Variants in FSTL5 observed in about 807,000 individuals in gnomAD.
FSTL5 encodes the protein follistatin-related protein 5.
In FSTL5, 62 loss-of-function variants were observed where a neutral mutation model predicts 89.1. The observed-to-expected ratio is 0.70, with a 90% CI of 0.57 to 0.86. The LOEUF (loss-of-function observed/expected upper bound fraction) is 0.86. Ranked by LOEUF, FSTL5 falls within the 40% of genes least tolerant of loss-of-function variation. The probability of loss-of-function intolerance (pLI) is 0.00; values close to 1 mark genes in which losing one functional copy is unlikely to be tolerated. For missense variants in FSTL5, 1,057 were observed against 1,001.6 expected (o/e 1.06, Z -0.75); for synonymous variants, 383 against 346.2 (o/e 1.11, Z -1.18).
At chr4:161,687,140 T>C (rs1454780483) in intron 6 of FSTL5, among the ~76,000 whole-genome samples, 2 of 152,194 alleles carry the variant, frequency 1.3e-5, no homozygotes, top group African/African-American at 2.4e-5. Context: ...TACAATGATG[T>C]AACAACGGTT....
At chr4:161,446,453 T>C (rs1007776045) in intron 15 of FSTL5, among the ~76,000 whole-genome samples, 1 of 152,046 alleles carries the variant, frequency 6.6e-6, no homozygotes, top group Admixed American at 6.6e-5. Flanking sequence ...GTTTTATCAT[T>C]TTAATAACAG....
intron 6 of FSTL5, among the ~76,000 whole-genome samples, chr4:161,701,034 T>A (rs998517887): frequency 6.6e-6 from 1 of 152,214 alleles, no homozygotes; most frequent in Non-Finnish European, 1.5e-5. Flanking sequence ...ATTCTTTATA[T>A]CTGAAATTAA....
At chr4:161,490,631 A>G (rs964131533) in intron 12 of FSTL5, among the ~76,000 whole-genome samples, 3 of 152,096 alleles carry the variant, frequency 2.0e-5, no homozygotes, top group African/African-American at 7.2e-5. Context: ...AGTGCCTTAT[A>G]TGGAACAAAG....
chr4:161,994,699 T>C (rs1388428743), intron 3 of FSTL5, among the ~76,000 whole-genome samples: 2 of 152,234 alleles, frequency 1.3e-5, no homozygotes, highest in African/African-American at 4.8e-5. Context: ...GTGTCTGTTA[T>C]GTGCTTTTCC....
At chr4:161,459,757 A>G (rs958075454) in intron 13 of FSTL5, among the ~76,000 whole-genome samples, 2 of 151,996 alleles carry the variant, frequency 1.3e-5, no homozygotes, top group Admixed American at 6.6e-5. Flanking sequence ...TTTTATCCCA[A>G]TTCTGATTAC....
intron 3 of FSTL5, among the ~76,000 whole-genome samples, chr4:162,024,499 T>A (rs1737207365): frequency 6.6e-6 from 1 of 152,206 alleles, no homozygotes; most frequent in South Asian, 2.1e-4. Context: ...CTTTTCTTTT[T>A]CTGAATTCTT....
intron 3 of FSTL5, among the ~76,000 whole-genome samples, chr4:161,986,280 TG>T (rs1330988357): frequency 1.3e-5 from 2 of 152,206 alleles, no homozygotes; most frequent in Non-Finnish European, 2.9e-5. Flanking sequence ...CCAGGCACGG[TG>T]GCTCACGCCT....
intron 7 of FSTL5, among the ~76,000 whole-genome samples, chr4:161,623,217 GAA>G (rs1735205177): frequency 6.6e-6 from 1 of 151,926 alleles, no homozygotes; most frequent in African/African-American, 2.4e-5. Context: ...TGTAAGAAAA[GAA>G]AAGTTTCCAT....
At chr4:162,007,812 C>T (rs192796417) in intron 3 of FSTL5, among the ~76,000 whole-genome samples, 10 of 151,872 alleles carry the variant, frequency 6.6e-5, no homozygotes, top group East Asian at 1.9e-4. Flanking sequence ...TAAAGTAACA[C>T]GGGCATAAAT....
At chr4:161,877,894 T>A (rs533083097) in intron 4 of FSTL5, among the ~76,000 whole-genome samples, 5 of 151,458 alleles carry the variant, frequency 3.3e-5, no homozygotes, top group Admixed American at 3.3e-4. Flanking sequence ...GACCTCGTGA[T>A]CTGCCCGCCT....
chr4:161,612,495 C>T (rs1014361653), intron 7 of FSTL5, among the ~76,000 whole-genome samples: 1 of 152,192 alleles, frequency 6.6e-6, no homozygotes, highest in Non-Finnish European at 1.5e-5. Context: ...TTCAAATCCA[C>T]ACTATTAAAT....
intron 10 of FSTL5, 32 bp from the exon 11 acceptor site, chr4:161,510,456 G>A: frequency 7.3e-7 from 1 of 1,365,302 alleles, no homozygotes; most frequent in Non-Finnish European, 1.0e-6. Flanking sequence ...AGAAGAAAAA[G>A]AAAAATGAGT....
chr4:161,438,900 T>C (rs544608898), intron 15 of FSTL5, among the ~76,000 whole-genome samples: 49 of 152,148 alleles, frequency 3.2e-4, no homozygotes, highest in African/African-American at 1.1e-3. Context: ...GTATAGGTTA[T>C]ATCCCTTCTA....
chr4:161,437,719 TG>T (rs1373936777), intron 15 of FSTL5, among the ~76,000 whole-genome samples: 1 of 152,046 alleles, frequency 6.6e-6, no homozygotes, highest in African/African-American at 2.4e-5. Flanking sequence ...CAAATTAAAA[TG>T]TATGTGTTGG....
chr4:161,861,577 G>A (rs974801232), intron 4 of FSTL5, among the ~76,000 whole-genome samples: 3 of 152,072 alleles, frequency 2.0e-5, no homozygotes, highest in Admixed American at 6.6e-5. Flanking sequence ...ATTCAAATAT[G>A]GTACAAAAAT....
At chr4:161,705,991 T>C (rs1255333009) in intron 6 of FSTL5, among the ~76,000 whole-genome samples, 4 of 83,264 alleles carry the variant, frequency 4.8e-5, no homozygotes, top group Non-Finnish European at 7.0e-5. Context: ...TATATATATA[T>C]ATATACACAC....
At chr4:161,720,810 A>G (rs1013670251) in intron 6 of FSTL5, among the ~76,000 whole-genome samples, 32 of 152,178 alleles carry the variant, frequency 2.1e-4, no homozygotes, top group African/African-American at 7.7e-4. Flanking sequence ...CAAACCCAAA[A>G]TAGTCAAACT....
chr4:162,127,098 G>A (rs1732113333), intron 1 of FSTL5, among the ~76,000 whole-genome samples: 1 of 152,034 alleles, frequency 6.6e-6, no homozygotes, highest in South Asian at 2.1e-4. Context: ...CCTAGTCCCT[G>A]GATTGAGGGA....
At chr4:161,866,421 G>T (rs1006259259) in intron 4 of FSTL5, among the ~76,000 whole-genome samples, 1 of 148,592 alleles carries the variant, frequency 6.7e-6, no homozygotes. Context: ...GTATCATGAG[G>T]TGTTAAATTT....
Sources: allele counts gnomAD v4.1 joint callset (sites outside exome capture counted in the v4.1 genomes callset), GRCh38; gene constraint gnomAD v4.1.1; transcripts MANE v1.5; gene names NCBI Gene and HGNC (gene_info 2026-07-23, HGNC 2026-07-21).